BIRC6: variants seen among roughly 807,000 people sequenced by gnomAD.
The protein encoded by BIRC6 is baculoviral IAP repeat containing 6.
BIRC6 carries 98 observed loss-of-function variants against 503.3 expected under a neutral mutation model. The observed-to-expected ratio is 0.19, with a 90% CI of 0.17 to 0.23. BIRC6 has a LOEUF of 0.23. BIRC6 is among the 10% of genes least tolerant of loss of function. BIRC6 has a pLI of 1.00. For missense variants in BIRC6, 5,360 were observed against 5,806.0 expected, an observed-to-expected ratio of 0.92 and a Z score of 2.50; for synonymous variants, 2,240 against 2,078.7, an observed-to-expected ratio of 1.08 and a Z score of -2.11.
At chr2:32,546,005 A>G in intron 63 of BIRC6, 145 bp downstream of exon 63, 1 of 793,110 alleles carries the variant, frequency 1.3e-6, no homozygotes, top group Middle Eastern at 3.5e-4. Flanking sequence ...CAGAAATTGT[A>G]AATTAATTGT....
rs773810834 is a variant in BIRC6 at position 32,469,506 on chromosome 2, T to G, written c.6239T>G (p.Leu2080Arg). ...GTPKIRLHTG[L>R]LLVQLCGGER... ...CCAAAGATACGGTTACATACTGGTC[T>G]TCTTCTTGTTCAACTGTGTGGTGGT... Residue 2080 changes from leucine (L) to arginine (R), a missense_variant, in exon 30 of 74, where the codon CTT becomes CGT. Leu to Arg is a moderately radical substitution (Grantham distance 102, BLOSUM62 -2). Transcript: ENST00000421745. 8.1e-6 allele frequency: 13 copies of G among 1,613,818 alleles called. No homozygotes were observed. The highest frequency in any genetic ancestry group is 6.7e-5 in the African/African-American group (5 of 74,928).
At chr2:32,458,379 T>C (rs1233014273) in intron 23 of BIRC6, among the ~76,000 whole-genome samples, 4 of 152,314 alleles carry the variant, frequency 2.6e-5, no homozygotes, top group Non-Finnish European at 5.9e-5. Flanking sequence ...CTTTAAATAT[T>C]GCTTCTGCTC....
chr2:32,476,692 CA>C (rs2049804504), intron 34 of BIRC6, among the ~76,000 whole-genome samples: 1 of 152,080 alleles, frequency 6.6e-6, no homozygotes, highest in South Asian at 2.1e-4. Context: ...ATCAGCCTCA[CA>C]AATAAAATGT....
Position 32,433,887 on chromosome 2 carries a change from C to T in BIRC6, c.3409+83C>T, listed in dbSNP as rs572886763. ...ACTAATTTTCACCTTGGCTAAGTTT[C>T]GTGTCCCTTTCTGTCCCTTGTTGCC... On this transcript the variant is annotated intron_variant, in intron 13 of 73. Transcript: ENST00000421745. 1.1e-5 allele frequency: 13 copies of T among 1,202,132 alleles called. No homozygotes were observed. The East Asian group carries it at 1.3e-4, about 12-fold the overall frequency. The allele number at this position is 1,202,132 out of a possible 1,614,324, so 74.5% of individuals were successfully genotyped here.
intron 39 of BIRC6, 127 bp from the exon 40 acceptor site, chr2:32,485,516 G>C: frequency 1.7e-6 from 1 of 595,106 alleles, no homozygotes; most frequent in Non-Finnish European, 3.0e-6. Context: ...CTGCATGTTA[G>C]GTGGCTGTTC....
chr2:32,503,338 C>T, intron 49 of BIRC6, 102 bp downstream of exon 49: 1 of 925,150 alleles, frequency 1.1e-6, no homozygotes, highest in Non-Finnish European at 1.6e-6. Flanking sequence ...TTATATATCA[C>T]TATTTTAATT....
At chr2:32,602,901 CT>C in intron 70 of BIRC6, 104 bp from the exon 71 acceptor site, 1 of 887,482 alleles carries the variant, frequency 1.1e-6, no homozygotes, top group South Asian at 1.9e-5. Context: ...ACATATAAAA[CT>C]GAGATATTTT....
intron 10 of BIRC6, among the ~76,000 whole-genome samples, chr2:32,426,851 T>C (rs2043558128): frequency 1.3e-5 from 2 of 152,196 alleles, no homozygotes; most frequent in Admixed American, 1.3e-4. Context: ...TCTCAGTCTT[T>C]GTTTTTCTGG....
At chr2:32,453,762 T>C (rs775273521) in intron 22 of BIRC6, 46 bp from the exon 23 acceptor site, 1 of 1,589,400 alleles carries the variant, frequency 6.3e-7, no homozygotes, top group South Asian at 1.1e-5. Context: ...CTATTGCTTT[T>C]TAAAAATTAT....
At chr2:32,442,529 G>C in intron 19 of BIRC6, 74 bp downstream of exon 19, 2 of 1,410,108 alleles carry the variant, frequency 1.4e-6, no homozygotes, top group Admixed American at 5.3e-5. Context: ...CTTGTTTATA[G>C]TGTGATTTGA....
intron 8 of BIRC6, among the ~76,000 whole-genome samples, chr2:32,405,613 T>A (rs1485796051): frequency 6.6e-6 from 1 of 152,150 alleles, no homozygotes; most frequent in Non-Finnish European, 1.5e-5. Context: ...GAGACAAGAC[T>A]TTGTCTTGTC....
rs1243401588 is a variant in BIRC6 at position 32,508,200 on chromosome 2, C to G, written c.9921C>G (p.Thr3307=). ...KLLGLTAFGT[T]SSATVNNPFL... is the part of the protein sequence containing the mutation. ...TGGGGCTCACTGCTTTTGGTACCAC[C>G]TCTTCTGCAACAGTTAATAATCCAT... is the stretch of plus-strand genomic sequence containing the variant. Residue 3307 remains threonine (T), a synonymous_variant, in exon 51 of 74, where the codon ACC becomes ACG. Coordinates refer to ENST00000421745, the MANE Select transcript of BIRC6 (RefSeq NM_016252.4). 3.1e-6 allele frequency: 5 copies of G among 1,611,814 alleles called. 1 individual carries two copies. The highest frequency in any genetic ancestry group is 4.2e-6 in the Non-Finnish European group (5 of 1,179,538).
chr2:32,510,665 C>A, intron 53 of BIRC6, 31 bp downstream of exon 53: 2 of 1,325,986 alleles, frequency 1.5e-6, no homozygotes, highest in Non-Finnish European at 2.2e-6. Flanking sequence ...TAATTAAGCA[C>A]ACACATGCAC....
At position 32,515,188 on chromosome 2, in the gene BIRC6, T is replaced by G. The variant is rs750462597; in HGVS notation, c.10767T>G (p.Ser3589Arg). ...ATGATAGCAAAAAGCAGGATCTTAGTTCATCTTTAACAGATGACTCTAAAA... is the reference window on the plus strand; with the variant it reads ...ATGATAGCAAAAAGCAGGATCTTAGGTCATCTTTAACAGATGACTCTAAAA... ...MTDDSKKQDL[S>R]SSLTDDSKNA... The change falls in exon 55 of 74, where the codon AGT becomes AGG. Residue 3589 changes from serine to arginine, a missense_variant. By Grantham distance (110) the Ser-to-Arg change is moderately radical (BLOSUM62 -1). This residue lies in a region of BIRC6 where 878 missense variants were observed against 928.9 expected (regional missense o/e 0.95). Coordinates refer to ENST00000421745, the MANE Select transcript of BIRC6 (RefSeq NM_016252.4). 6.2e-7 allele frequency: 1 copy of G among 1,613,966 alleles called. No individual in the cohort carries two copies. Among genetic ancestry groups the G allele is most frequent in the South Asian group, 1.1e-5 (1 of 91,090 alleles).
rs779105635 is a variant in BIRC6, at chr2:32,515,024, A to G, written c.10603A>G (p.Asn3535Asp). The G allele has an allele frequency of 6.2e-7, 1 of 1,613,810 alleles. No individual in the cohort carries two copies. The highest frequency in any genetic ancestry group is 8.5e-7 in the Non-Finnish European group (1 of 1,179,794). Residue 3535 changes from asparagine (N) to aspartate (D), a missense_variant, in exon 55 of 74, where the codon AAT becomes GAT. Physicochemically the swap from Asn to Asp is conservative, Grantham distance 23. This residue lies in a region of BIRC6 where 878 missense variants were observed against 928.9 expected (regional missense o/e 0.95). Transcript: ENST00000421745. ...LFNWSMSLPC[N>D]MVLKKAVDSL... ...TAATTGGTCCATGTCTCTTCCCTGC[A>G]ATATGGTTTTGAAGAAAGCTGTTGA... is the stretch of plus-strand genomic sequence containing the variant.
At chr2:32,533,490 C>A (rs1421878337) in intron 61 of BIRC6, among the ~76,000 whole-genome samples, 1 of 152,176 alleles carries the variant, frequency 6.6e-6, no homozygotes, top group Non-Finnish European at 1.5e-5. Flanking sequence ...AATTACCTAT[C>A]CAGATCACAG....
Position 32,500,285 on chromosome 2 carries a change from A to AG in BIRC6, c.9031+177dup, listed in dbSNP as rs564961937. On this transcript the variant is annotated intron_variant, in intron 46 of 73. Coordinates refer to ENST00000421745, the MANE Select transcript of BIRC6 (RefSeq NM_016252.4). ...TTAGGGGCTTCAATTAATGAATGAA[A>AG]GTGAAATATTGACAAATGTCATGTC... Among the ~76,000 whole-genome samples the AG allele has an allele frequency of 6.0e-3, 911 of 152,266 alleles. 8 individuals are homozygous for AG. Among genetic ancestry groups the AG allele is most frequent in the African/African-American group, 0.021 (855 of 41,546 alleles).
At chr2:32,600,787 T>A (rs1208704709) in intron 70 of BIRC6, among the ~76,000 whole-genome samples, 1 of 152,226 alleles carries the variant, frequency 6.6e-6, no homozygotes, top group Non-Finnish European at 1.5e-5. Context: ...AATTGTGGAC[T>A]TATTTTTAAA....
intron 65 of BIRC6, among the ~76,000 whole-genome samples, chr2:32,559,339 G>A (rs1310775277): frequency 6.6e-6 from 1 of 152,216 alleles, no homozygotes; most frequent in African/African-American, 2.4e-5. Context: ...GGAGCTGCAA[G>A]CTGCACTTGG....
Sources: gnomAD v4.1 joint callset for allele counts (sites outside exome capture counted in the v4.1 genomes callset) on GRCh38, gnomAD v4.1.1 for gene constraint, gnomAD v4.1.1 regional missense constraint, MANE v1.5 for transcripts, NCBI Gene and HGNC (gene_info 2026-07-23, HGNC 2026-07-21) for gene names.